The following ADAMTSL3 variants were observed in gnomAD, a reference collection of about 807,000 sequenced individuals.
ADAMTSL3 encodes the protein ADAMTS-like protein 3.
A neutral mutation model predicts 201.7 loss-of-function variants in ADAMTSL3; 128 were observed. The ratio of observed to expected loss-of-function variants is 0.63; its 90% CI spans 0.55 to 0.73. The LOEUF (loss-of-function observed/expected upper bound fraction) is 0.73, where lower values mean the gene tolerates loss of function less well. ADAMTSL3 is among the 30% of genes least tolerant of loss of function. ADAMTSL3 has a pLI of 0.00. For missense variants in ADAMTSL3, 1,990 were observed against 2,119.6 expected, an observed-to-expected ratio of 0.94 and a Z score of 1.20; for synonymous variants, 738 against 748.4, an observed-to-expected ratio of 0.99 and a Z score of 0.23.
chr15:83,999,497 C>G (rs1164919003), intron 23 of ADAMTSL3, among the ~76,000 whole-genome samples: 1 of 152,214 alleles, frequency 6.6e-6, no homozygotes, highest in African/African-American at 2.4e-5. Context: ...AAGTCTGAAT[C>G]TACTAGCGGG....
chr15:83,691,067 C>G (rs947725795), intron 2 of ADAMTSL3, among the ~76,000 whole-genome samples: 9 of 152,082 alleles, frequency 5.9e-5, no homozygotes, highest in African/African-American at 2.2e-4. Context: ...TCTGAGGGCT[C>G]TTTGAGTCGG....
rs1027200437 is a variant in ADAMTSL3, at chr15:83,688,444, C to T, written c.70-15945C>T. Among the ~76,000 whole-genome samples, 17 of 151,328 alleles carry T rather than the reference C, an allele frequency of 1.1e-4. 1 individual carries two copies. Among genetic ancestry groups the T allele is most frequent in the Admixed American group, 4.6e-4 (7 of 15,186 alleles). ...GACAGATACTTTAGATCAGCTGTTA[C>T]AAATATGTTCAAAAACTCCAGATGA... On this transcript the variant is annotated intron_variant, in intron 2 of 29. Coordinates refer to ENST00000286744, the MANE Select transcript of ADAMTSL3 (RefSeq NM_207517.3).
At chr15:83,841,078 G>A (rs774242648) in intron 7 of ADAMTSL3, among the ~76,000 whole-genome samples, 3 of 152,142 alleles carry the variant, frequency 2.0e-5, no homozygotes, top group Non-Finnish European at 4.4e-5. Flanking sequence ...TTCTCCCCAG[G>A]GAATTTTGCT....
chr15:83,761,898 A>G (rs1040105301), intron 3 of ADAMTSL3, among the ~76,000 whole-genome samples: 1 of 152,202 alleles, frequency 6.6e-6, no homozygotes, highest in Admixed American at 6.5e-5. Flanking sequence ...CACTGATTGC[A>G]TTAATAGGGA....
intron 17 of ADAMTSL3, among the ~76,000 whole-genome samples, chr15:83,931,548 G>T (rs12050811): frequency 0.1 from 15,664 of 151,998 alleles, 1,027 homozygotes; most frequent in East Asian, 0.32. Context: ...ATCTACTTTC[G>T]GTGACTTCAC....
At position 83,654,179 on chromosome 15, in the gene ADAMTSL3, C is replaced by T. The variant is rs147203979; in HGVS notation, c.-131C>T. ...GAAGGTCCTGGTGCCGGATTCCGCA[C>T]GAGGTGTTGACGGGCGGCTTCTGCC... On this transcript the variant is annotated 5_prime_UTR_variant, in exon 1 of 30. It adds an upstream start codon to the 5' untranslated region. Coordinates refer to ENST00000286744, the MANE Select transcript of ADAMTSL3 (RefSeq NM_207517.3). This position sits in a 1 kb window ranked among gnomAD's most constrained non-coding sequence, Gnocchi z 5.3. 14 of 151,958 alleles carry T rather than the reference C, an allele frequency of 9.2e-5. No individual in the cohort carries two copies. The highest frequency in any genetic ancestry group is 3.4e-4 in the African/African-American group (14 of 41,454). 9.4% of individuals were successfully genotyped at this position (151,958 alleles called of 1,614,324 possible).
intron 9 of ADAMTSL3, among the ~76,000 whole-genome samples, chr15:83,883,410 G>A (rs972198906): frequency 6.6e-6 from 1 of 151,612 alleles, no homozygotes; most frequent in Non-Finnish European, 1.5e-5. Context: ...TGACCTCAAG[G>A]GACCTGCCTG....
intron 3 of ADAMTSL3, chr15:83,739,676 A>G: frequency 4.4e-6 from 1 of 226,090 alleles, no homozygotes; most frequent in Non-Finnish European, 9.3e-6. Context: ...ATTAAAAAAT[A>G]GTCATGGATT....
intron 4 of ADAMTSL3, among the ~76,000 whole-genome samples, chr15:83,791,323 G>T (rs1421958674): frequency 6.6e-6 from 1 of 152,144 alleles, no homozygotes; most frequent in Admixed American, 6.5e-5. Context: ...TATACTACCT[G>T]ACTTCAAAAT....
At chr15:84,014,072 A>G (rs954452614) in intron 23 of ADAMTSL3, among the ~76,000 whole-genome samples, 2 of 152,208 alleles carry the variant, frequency 1.3e-5, no homozygotes, top group African/African-American at 4.8e-5. Context: ...TGAGGGAGGA[A>G]TGTTTCATTG....
rs1288835321 is a variant in ADAMTSL3, at chr15:83,804,682, C to T, written c.350C>T (p.Thr117Ile). ...NCEGQNIRYKTCSNHDCPPDA... is the reference protein window; with the variant it reads ...NCEGQNIRYKICSNHDCPPDA... ...GAAGGGCAGAACATTCGGTACAAGA[C>T]ATGCAGCAATCATGTAAGTCATAAA... is the stretch of plus-strand genomic sequence containing the variant. The change falls in exon 5 of 30, where the codon ACA becomes ATA. Residue 117 changes from threonine (T) to isoleucine (I), a missense_variant. By Grantham distance (89) the Thr-to-Ile change is moderately conservative (BLOSUM62 -1). Transcript: ENST00000286744. 1.9e-6 allele frequency: 3 copies of T among 1,581,774 alleles called. No homozygotes were observed. Among genetic ancestry groups the T allele is most frequent in the Non-Finnish European group, 2.6e-6 (3 of 1,166,480 alleles).
At chr15:83,974,865 G>GTTCCTATTTTATT (rs2067255106) in intron 20 of ADAMTSL3, among the ~76,000 whole-genome samples, 1 of 152,080 alleles carries the variant, frequency 6.6e-6, no homozygotes. Flanking sequence ...TTAGGGAAGA[G>GTTCCTATTTTATT]GAACCCAGGC....
chr15:83,839,730 GA>G (rs1363027714), intron 7 of ADAMTSL3, among the ~76,000 whole-genome samples: 1 of 152,118 alleles, frequency 6.6e-6, no homozygotes, highest in African/African-American at 2.4e-5. Context: ...GTAATTCTTT[GA>G]ATGACAGCTA....
intron 19 of ADAMTSL3, among the ~76,000 whole-genome samples, chr15:83,970,163 A>G (rs1287258349): frequency 6.6e-6 from 1 of 152,202 alleles, no homozygotes; most frequent in African/African-American, 2.4e-5. Context: ...AATGCCAAAA[A>G]AATCCCACGA....
intron 4 of ADAMTSL3, among the ~76,000 whole-genome samples, chr15:83,785,681 A>G (rs934185494): frequency 1.3e-5 from 2 of 152,026 alleles, no homozygotes; most frequent in African/African-American, 4.8e-5. Flanking sequence ...TTTTTCTTCT[A>G]TTATATTATT....
intron 6 of ADAMTSL3, among the ~76,000 whole-genome samples, chr15:83,831,907 G>A (rs1280854962): frequency 6.6e-6 from 1 of 152,160 alleles, no homozygotes; most frequent in Non-Finnish European, 1.5e-5. Context: ...AAGGATATAT[G>A]TTGCCAGGCA....
At chr15:83,820,710 G>A (rs1252763546) in intron 6 of ADAMTSL3, among the ~76,000 whole-genome samples, 1 of 152,196 alleles carries the variant, frequency 6.6e-6, no homozygotes, top group African/African-American at 2.4e-5. Context: ...ATTTTTCAGA[G>A]TGGTCTCTGC....
chr15:83,991,169 G>A lies in ADAMTSL3; in HGVS notation c.3928G>A (p.Glu1310Lys), dbSNP rs759377137. ...GTCTGTTGTGGTTGGAGGCATCGTG[G>A]AGGCAGCCCTTGGAGCAAACGTGAC... ...HLSVVVGGIV[E>K]AALGANVTIR... is the part of the protein sequence containing the mutation. Residue 1310 changes from glutamate (E) to lysine (K), a missense_variant, in exon 23 of 30, where the codon GAG becomes AAG. Glu to Lys is a moderately conservative substitution (Grantham distance 56, BLOSUM62 1). Coordinates refer to ENST00000286744, the MANE Select transcript of ADAMTSL3 (RefSeq NM_207517.3). 3 of 1,614,230 alleles carry A rather than the reference G, an allele frequency of 1.9e-6. No homozygotes were observed. The South Asian group carries it at 3.3e-5, about 18-fold the overall frequency.
intron 23 of ADAMTSL3, among the ~76,000 whole-genome samples, chr15:84,006,388 T>TTC (rs1348121990): frequency 1.3e-5 from 2 of 152,208 alleles, no homozygotes; most frequent in African/African-American, 2.4e-5. Flanking sequence ...GTATAATATA[T>TTC]ATTTATTTAA....
Sources: gnomAD v4.1 joint callset for allele counts (sites outside exome capture counted in the v4.1 genomes callset) on GRCh38, gnomAD v4.1.1 for gene constraint, Gnocchi (gnomAD v3.1) non-coding constraint, MANE v1.5 for transcripts, NCBI Gene and HGNC (gene_info 2026-07-23, HGNC 2026-07-21) for gene names.